The following RAD54L2 variants were observed in gnomAD, a reference collection of about 807,000 sequenced individuals.
RAD54L2 encodes the protein helicase ARIP4.
Under a neutral mutation model 138.4 loss-of-function variants are expected in RAD54L2, and 27 were observed. That is an observed-to-expected ratio of 0.20 (90% confidence interval 0.14 to 0.27). RAD54L2 has a LOEUF of 0.27. Among genes scored for constraint, RAD54L2 ranks in the 10% least tolerant of loss-of-function variants. RAD54L2 has a pLI of 1.00. For missense variants in RAD54L2, 1,396 were observed against 1,890.2 expected, an observed-to-expected ratio of 0.74 and a Z score of 4.85; for synonymous variants, 644 against 723.2, an observed-to-expected ratio of 0.89 and a Z score of 1.76.
At chr3:51,635,115 T>A (rs1700952187) in intron 9 of RAD54L2, among the ~76,000 whole-genome samples, 1 of 152,178 alleles carries the variant, frequency 6.6e-6, no homozygotes, top group Non-Finnish European at 1.5e-5. Flanking sequence ...GGAAGTGGAG[T>A]GACTTACTGA....
chr3:51,614,613 A>C (rs1275315425), intron 3 of RAD54L2, among the ~76,000 whole-genome samples: 1 of 151,922 alleles, frequency 6.6e-6, no homozygotes, highest in Non-Finnish European at 1.5e-5. Context: ...TCCTTGGCTT[A>C]AGTGAACCTC....
intron 2 of RAD54L2, among the ~76,000 whole-genome samples, chr3:51,557,829 T>TC (rs1699008294): frequency 1.5e-5 from 1 of 64,684 alleles, no homozygotes; most frequent in Non-Finnish European, 2.7e-5. Flanking sequence ...AAACTCCATC[T>TC]CAAAAAAAAA....
chr3:51,546,162 C>T (rs1297882819), intron 2 of RAD54L2, among the ~76,000 whole-genome samples: 5 of 151,364 alleles, frequency 3.3e-5, no homozygotes, highest in Non-Finnish European at 7.4e-5. Flanking sequence ...TGCTCTTGAA[C>T]TCTTGACCTC....
At chr3:51,574,453 G>A (rs943115986) in intron 2 of RAD54L2, among the ~76,000 whole-genome samples, 1 of 152,182 alleles carries the variant, frequency 6.6e-6, no homozygotes, top group Non-Finnish European at 1.5e-5. Flanking sequence ...CTAGTTTACA[G>A]TCCCACCAAC....
chr3:51,565,907 C>T lies in RAD54L2; in HGVS notation c.-55+24257C>T, dbSNP rs1352008643. 3.4e-5 allele frequency among the ~76,000 whole-genome samples: 5 copies of T among 146,734 alleles called. No individual in the cohort carries two copies. In the East Asian group the frequency reaches 1.1e-3, roughly 31 times the overall value. ...GCTGTGGCGCGATCTCAGCTCACTGCAAGCTCTGCCTCCCGGGTTCCTCCC... is the reference window on the plus strand; with the variant it reads ...GCTGTGGCGCGATCTCAGCTCACTGTAAGCTCTGCCTCCCGGGTTCCTCCC... On this transcript the variant is annotated intron_variant, in intron 2 of 22. Coordinates refer to ENST00000684192, the MANE Select transcript of RAD54L2 (RefSeq NM_015106.4).
At chr3:51,554,881 C>T (rs1335852958) in intron 2 of RAD54L2, among the ~76,000 whole-genome samples, 2 of 152,050 alleles carry the variant, frequency 1.3e-5, no homozygotes, top group Admixed American at 1.3e-4. Flanking sequence ...CTCCCTTTGT[C>T]TACCAGGCTA....
At chr3:51,632,100 G>A (rs1380719053) in intron 7 of RAD54L2, among the ~76,000 whole-genome samples, 1 of 152,134 alleles carries the variant, frequency 6.6e-6, no homozygotes. Flanking sequence ...GTGCCTGGCG[G>A]GTTTCATTTA....
chr3:51,642,330 CTTT>C (rs367658494), intron 15 of RAD54L2, among the ~76,000 whole-genome samples: 8 of 130,572 alleles, frequency 6.1e-5, no homozygotes, highest in Admixed American at 7.6e-5. Flanking sequence ...AGGGGATGAA[CTTT>C]TTTTTTTTTT....
At chr3:51,649,710 G>A (rs1161213877) in intron 19 of RAD54L2, among the ~76,000 whole-genome samples, 1 of 152,108 alleles carries the variant, frequency 6.6e-6, no homozygotes, top group Admixed American at 6.6e-5. Context: ...CTTCATAAGT[G>A]AAGGAGAAAT....
intron 2 of RAD54L2, among the ~76,000 whole-genome samples, chr3:51,559,414 G>T (rs1310893562): frequency 6.6e-6 from 1 of 152,166 alleles, no homozygotes; most frequent in Non-Finnish European, 1.5e-5. Flanking sequence ...CTTAAATTTA[G>T]TAAGTTTGGT....
chr3:51,590,636 T>C (rs1699820726), intron 3 of RAD54L2, 77 bp downstream of exon 3: 5 of 1,547,652 alleles, frequency 3.2e-6, no homozygotes, highest in Non-Finnish European at 4.4e-6. Context: ...GACCTTGGCG[T>C]TTCCAGTTAG....
At chr3:51,596,196 G>A (rs1699960857) in intron 3 of RAD54L2, among the ~76,000 whole-genome samples, 1 of 130,456 alleles carries the variant, frequency 7.7e-6, no homozygotes, top group African/African-American at 2.9e-5. Context: ...CCAAAGTGCT[G>A]GAATTACAGG....
At chr3:51,586,010 C>A (rs781512310) in intron 2 of RAD54L2, among the ~76,000 whole-genome samples, 2 of 152,008 alleles carry the variant, frequency 1.3e-5, no homozygotes, top group African/African-American at 2.4e-5. Context: ...TTCTTTATCA[C>A]CACCCCGCCC....
rs1394891027 is a variant in RAD54L2, at chr3:51,662,390, C to T, written c.3410-36C>T. Reference sequence around the variant, plus strand: ...CCTCTACCCTTCTTCTCTCCCTGGCCACTCTGATTCTCAGTTAACTACATT... The same window carrying T: ...CCTCTACCCTTCTTCTCTCCCTGGCTACTCTGATTCTCAGTTAACTACATT... On this transcript the variant is annotated intron_variant, in intron 22 of 22. Coordinates refer to ENST00000684192, the MANE Select transcript of RAD54L2 (RefSeq NM_015106.4). The surrounding 1 kb of genome is among the most constrained non-coding windows in gnomAD (Gnocchi z 4.6). The T allele has an allele frequency of 5.4e-6, 8 of 1,475,048 alleles. No individual in the cohort carries two copies. Among genetic ancestry groups the T allele is most frequent in the Non-Finnish European group, 7.2e-6 (8 of 1,106,940 alleles). The allele number at this position is 1,475,048 out of a possible 1,614,324, so 91.4% of individuals were successfully genotyped here.
chr3:51,623,157 G>A (rs186736835), intron 3 of RAD54L2, among the ~76,000 whole-genome samples: 15 of 152,356 alleles, frequency 9.8e-5, no homozygotes, highest in Middle Eastern at 3.4e-3. Flanking sequence ...GTAGTCTCAC[G>A]TGGAGAGGTT....
chr3:51,634,358 A>ATTTTTTTTT, intron 9 of RAD54L2, among the ~76,000 whole-genome samples: 1 of 94,964 alleles, frequency 1.1e-5, no homozygotes, highest in Non-Finnish European at 2.0e-5. Context: ...CCACTGTCTG[A>ATTTTTTTTT]TTTTTTTTTT....
rs1158842878 is a variant in RAD54L2 at position 51,668,083 on chromosome 3, G to T, written c.*4663G>T. The stretch of plus-strand genomic sequence containing the variant: ...AGCCCAGCTGTGTGTGTGTGTGTGT[G>T]TGAGTGTGTGTGTGTGTGTTTGTGT... On this transcript the variant is annotated 3_prime_UTR_variant, in exon 23 of 23. Coordinates refer to ENST00000684192, the MANE Select transcript of RAD54L2 (RefSeq NM_015106.4). 6.6e-6 allele frequency: 1 copy of T among 150,696 alleles called. No individual in the cohort carries two copies. Among genetic ancestry groups the T allele is most frequent in the Non-Finnish European group, 1.5e-5 (1 of 68,906 alleles). 9.3% of individuals were successfully genotyped at this position (150,696 alleles called of 1,614,324 possible).
intron 2 of RAD54L2, among the ~76,000 whole-genome samples, chr3:51,576,241 C>A (rs1009990268): frequency 6.6e-6 from 1 of 152,250 alleles, no homozygotes; most frequent in Middle Eastern, 3.4e-3. Flanking sequence ...CTGCTGGATT[C>A]GGTTTGCCAG....
intron 3 of RAD54L2, among the ~76,000 whole-genome samples, chr3:51,600,513 G>A (rs1318956463): frequency 6.6e-6 from 1 of 152,178 alleles, no homozygotes; most frequent in Non-Finnish European, 1.5e-5. Context: ...TCAGGAGGCT[G>A]AGGCAGGAAG....
Sources: allele counts gnomAD v4.1 joint callset (sites outside exome capture counted in the v4.1 genomes callset), GRCh38; gene constraint gnomAD v4.1.1; non-coding constraint Gnocchi (gnomAD v3.1); transcripts MANE v1.5; gene names NCBI Gene and HGNC (gene_info 2026-07-23, HGNC 2026-07-21).